Variants in MRGPRF observed in about 807,000 individuals in gnomAD.
The protein encoded by MRGPRF is MAS related GPR family member F.
In MRGPRF, 2 loss-of-function variants were observed where a neutral mutation model predicts 3.3. That is an observed-to-expected ratio of 0.61 (90% CI 0.25 to 1.92). The LOEUF (loss-of-function observed/expected upper bound fraction) is 1.92, where lower values mean the gene tolerates loss of function less well. Among genes scored for constraint, MRGPRF ranks in the 40% most tolerant of loss-of-function variants. The pLI is 0.16. For synonymous variants in MRGPRF, 242 were observed against 222.7 expected (o/e 1.09, Z -0.77); for missense variants, 500 against 476.0 (o/e 1.05, Z -0.47).
chr11:69,009,727 C>A, intron 2 of MRGPRF, 127 bp downstream of exon 2: 1 of 1,128,030 alleles, frequency 8.9e-7, no homozygotes, highest in South Asian at 1.3e-5. Context: ...CCACTGCCCA[C>A]GGTGGGTCCA....
At chr11:69,008,275 C>T (rs551513728) in intron 2 of MRGPRF, among the ~76,000 whole-genome samples, 29 of 152,352 alleles carry the variant, frequency 1.9e-4, no homozygotes, top group African/African-American at 6.7e-4. Flanking sequence ...CCTTTCCCCC[C>T]AGAGGCAAAG....
chr11:69,010,665 G>A (rs2154012902), intron 1 of MRGPRF, among the ~76,000 whole-genome samples: 1 of 152,338 alleles, frequency 6.6e-6, no homozygotes, highest in South Asian at 2.1e-4. Context: ...GCCACACCAT[G>A]CCCTGCAGCC....
rs1860561175 is a variant in MRGPRF, at chr11:69,009,846, G to A, written c.48+8C>T. ...GCAAGACCAGGGCCCTCCGCCTGTG[G>A]CACTTACCTTGTTCCTGTTGCCGGG... On this transcript the variant is annotated splice_region_variant and intron_variant, in intron 2 of 2. Transcript: ENST00000309099. 23 of 1,609,726 alleles carry A rather than the reference G, an allele frequency of 1.4e-5. No individual in the cohort carries two copies. Among genetic ancestry groups the A allele is most frequent in the Non-Finnish European group, 1.9e-5 (22 of 1,179,764 alleles).
At position 69,005,070 on chromosome 11, in the gene MRGPRF, C is replaced by CG; in HGVS notation, c.*207dup. On this transcript the variant is annotated 3_prime_UTR_variant, in exon 3 of 3. Coordinates refer to ENST00000309099, the MANE Select transcript of MRGPRF (RefSeq NM_145015.5). ...AGGGGAGCAGAATGGGTGGGGGAGC[C>CG]GGGCAGGGGCCACAGGGTCTGTTTG... is the stretch of plus-strand genomic sequence containing the variant. 1 of 617,360 alleles carries CG rather than the reference C, an allele frequency of 1.6e-6. No homozygotes were observed. Among genetic ancestry groups the CG allele is most frequent in the South Asian group, 2.5e-5 (1 of 40,060 alleles). The allele number at this position is 617,360 out of a possible 1,614,324, so 38.2% of individuals were successfully genotyped here. A position where few individuals can be genotyped will look rare whatever the true frequency, so the allele number is the denominator to read the frequency against.
intron 1 of MRGPRF, among the ~76,000 whole-genome samples, chr11:69,012,079 A>G (rs1860608166): frequency 6.6e-6 from 1 of 152,242 alleles, no homozygotes; most frequent in Non-Finnish European, 1.5e-5. Flanking sequence ...TGACACGTGG[A>G]TGGGGCGTGC....
chr11:69,007,428 G>T (rs1477127434), intron 2 of MRGPRF, among the ~76,000 whole-genome samples: 1 of 152,168 alleles, frequency 6.6e-6, no homozygotes, highest in Non-Finnish European at 1.5e-5. Flanking sequence ...GACTGGTCTC[G>T]ATCTCTTGAC....
upstream of MRGPRF, chr11:69,013,267 C>T (rs1480071568): frequency 6.6e-6 from 1 of 152,474 alleles, no homozygotes; most frequent in Non-Finnish European, 1.5e-5. Flanking sequence ...GCAGAACCCG[C>T]CCCAAACCCA....
Position 69,005,458 on chromosome 11 carries a change from G to A in MRGPRF, c.852C>T (p.Ser284=), listed in dbSNP as rs1860453555. 1.3e-5 allele frequency: 20 copies of A among 1,588,220 alleles called. No individual in the cohort carries two copies. Among genetic ancestry groups the A allele is most frequent in the Non-Finnish European group, 1.6e-5 (19 of 1,167,518 alleles). The change falls in exon 3 of 3, where the codon AGC becomes AGT. Residue 284 remains serine, a synonymous_variant. Transcript: ENST00000309099. ...GGAAGTAGACGATGGGCTTGGCGCT[G>A]CTGTTGATGCAGATGCACAGGTCAG... The part of the protein sequence containing the change: ...YVTDLCICIN[S]SAKPIVYFLA...
chr11:69,005,502 G>T lies in MRGPRF; in HGVS notation c.808C>A (p.Pro270Thr). The change falls in exon 3 of 3, where the codon CCC (proline) becomes ACC (threonine). Residue 270 changes from proline to threonine, a missense_variant. Pro to Thr is a conservative substitution (Grantham distance 38). Coordinates refer to ENST00000309099, the MANE Select transcript of MRGPRF (RefSeq NM_145015.5). ...FLFWVFQIPA[P>T]FPEYVTDLCI... ...AGGTCAGTGACGTACTCGGGGAAGG[G>T]GGCCGGGATCTGGAAGACCCAGAAG... The T allele has an allele frequency of 1.3e-6, 2 of 1,580,588 alleles. No individual in the cohort carries two copies. Among genetic ancestry groups the T allele is most frequent in the Non-Finnish European group, 1.7e-6 (2 of 1,163,516 alleles).
rs1482072888 is a variant in MRGPRF, at chr11:69,013,118, T to C, written c.-92A>G. On this transcript the variant is annotated 5_prime_UTR_variant, in exon 1 of 3. Coordinates refer to ENST00000309099, the MANE Select transcript of MRGPRF (RefSeq NM_145015.5). ...CCTGATCCGCCGAGGCCTCCTTTTG[T>C]GGAGGGCTCTTCCTGTGACTCCCGC... is the stretch of plus-strand genomic sequence containing the variant. 2 of 152,302 alleles carry C rather than the reference T, an allele frequency of 1.3e-5. No homozygotes were observed. Among genetic ancestry groups the C allele is most frequent in the South Asian group, 2.1e-4 (1 of 4,836 alleles). 9.4% of individuals were successfully genotyped at this position (152,302 alleles called of 1,614,324 possible). A position where few individuals can be genotyped will look rare whatever the true frequency, so the allele number is the denominator to read the frequency against.
intron 2 of MRGPRF, 58 bp downstream of exon 2, chr11:69,009,796 G>T (rs764665960): frequency 1.3e-6 from 2 of 1,562,808 alleles, no homozygotes; most frequent in Non-Finnish European, 1.8e-6. Context: ...GGCTGGGTCT[G>T]CCCCTCCCAC....
chr11:69,009,844 T>C lies in MRGPRF; in HGVS notation c.48+10A>G, dbSNP rs1374030335. On this transcript the variant is annotated intron_variant, in intron 2 of 2. Coordinates refer to ENST00000309099, the MANE Select transcript of MRGPRF (RefSeq NM_145015.5). Reference sequence around the variant, plus strand: ...GGGCAAGACCAGGGCCCTCCGCCTGTGGCACTTACCTTGTTCCTGTTGCCG... The same window carrying C: ...GGGCAAGACCAGGGCCCTCCGCCTGCGGCACTTACCTTGTTCCTGTTGCCG... 1 of 1,609,562 alleles carries C rather than the reference T, an allele frequency of 6.2e-7. No individual in the cohort carries two copies. The highest frequency in any genetic ancestry group is 2.2e-5 in the East Asian group (1 of 44,870).
At chr11:69,011,731 C>T (rs2154013008) in intron 1 of MRGPRF, among the ~76,000 whole-genome samples, 1 of 152,340 alleles carries the variant, frequency 6.6e-6, no homozygotes, top group South Asian at 2.1e-4. Flanking sequence ...GGTGGCCCTT[C>T]TGGACACCCA....
In MRGPRF at chr11:69,005,673, T is replaced by G. The variant is rs779866141; in HGVS notation, c.637A>C (p.Met213Leu). 5 of 1,551,576 alleles carry G rather than the reference T, an allele frequency of 3.2e-6. No homozygotes were observed. In the Admixed American group the frequency reaches 7.8e-5, roughly 24 times the overall value. ...ATGAGGGCCAGGCAGGGCAGCACCA[T>G]GAGCGGGCAGCAGAGCAGGAACAGG... ...ILLFLLCCPLMVLPCLALILH... is the reference protein window; with the variant it reads ...ILLFLLCCPLLVLPCLALILH... Residue 213 changes from methionine to leucine, a missense_variant, in exon 3 of 3, where the codon ATG (methionine) becomes CTG (leucine). Met to Leu is a conservative substitution (Grantham distance 15). Transcript: ENST00000309099.
At chr11:69,012,531 C>T (rs1860620183) in intron 1 of MRGPRF, 1 of 152,444 alleles carries the variant, frequency 6.6e-6, no homozygotes, top group Non-Finnish European at 1.5e-5. Context: ...CTTCATCAGG[C>T]CGCAGGCCTG....
intron 2 of MRGPRF, among the ~76,000 whole-genome samples, chr11:69,008,639 C>T (rs958682865): frequency 1.3e-5 from 2 of 152,216 alleles, no homozygotes; most frequent in Non-Finnish European, 2.9e-5. Flanking sequence ...TCTCTAAATA[C>T]ATTTATAGGC....
intron 2 of MRGPRF, among the ~76,000 whole-genome samples, chr11:69,007,501 C>T (rs1324112133): frequency 6.6e-6 from 1 of 152,194 alleles, no homozygotes; most frequent in African/African-American, 2.4e-5. Flanking sequence ...AGCCACCGCA[C>T]CCAGCCTTGC....
chr11:69,005,652 G>A lies in MRGPRF; in HGVS notation c.658C>T (p.Leu220Phe), dbSNP rs370267482. The change falls in exon 3 of 3, where the codon CTC becomes TTC. Residue 220 changes from leucine to phenylalanine, a missense_variant. Coordinates refer to ENST00000309099, the MANE Select transcript of MRGPRF (RefSeq NM_145015.5). ...GCCCGGCACTCCACGTGCAGGATGA[G>A]GGCCAGGCAGGGCAGCACCATGAGC... is the stretch of plus-strand genomic sequence containing the variant. Reference protein sequence around the residue: ...CPLMVLPCLALILHVECRARR... With the variant: ...CPLMVLPCLAFILHVECRARR... 1.4e-5 allele frequency: 22 copies of A among 1,552,100 alleles called. No homozygotes were observed. The highest frequency in any genetic ancestry group is 1.8e-5 in the Non-Finnish European group (21 of 1,147,714).
At chr11:69,006,706 C>T (rs947894400) in intron 2 of MRGPRF, among the ~76,000 whole-genome samples, 13 of 148,146 alleles carry the variant, frequency 8.8e-5, no homozygotes, top group African/African-American at 3.3e-4. Context: ...TCACTGCAAC[C>T]TCTGCCTCCC....
Sources: gnomAD v4.1 joint callset for allele counts (sites outside exome capture counted in the v4.1 genomes callset) on GRCh38, gnomAD v4.1.1 for gene constraint, MANE v1.5 for transcripts, NCBI Gene and HGNC (gene_info 2026-07-23, HGNC 2026-07-21) for gene names.